Variants in ANXA3 observed in about 807,000 individuals in gnomAD.
ANXA3 encodes 35-alpha calcimedin.
Under a neutral mutation model 48.8 loss-of-function variants are expected in ANXA3, and 46 were observed. That is an observed-to-expected ratio of 0.94 (90% confidence interval 0.74 to 1.21). The LOEUF (loss-of-function observed/expected upper bound fraction) is 1.21, where lower values mean the gene tolerates loss of function less well. ANXA3 is among the 50% of genes most tolerant of loss of function. The pLI is 0.00. For synonymous variants in ANXA3, 128 were observed against 134.7 expected (o/e 0.95, Z 0.35); for missense variants, 383 against 378.6 (o/e 1.01, Z -0.10).
At chr4:78,580,610 G>A (rs571077502) in intron 4 of ANXA3, among the ~76,000 whole-genome samples, 15 of 152,122 alleles carry the variant, frequency 9.9e-5, no homozygotes, top group Non-Finnish European at 1.6e-4. Flanking sequence ...AAACAGACCC[G>A]GCCAACTGTT....
At chr4:78,553,841 CTATT>C (rs1242967019) in intron 1 of ANXA3, 1 of 152,232 alleles carries the variant, frequency 6.6e-6, no homozygotes, top group Non-Finnish European at 1.5e-5. Context: ...TGAATAATAT[CTATT>C]TAAGAAAAAT....
At chr4:78,575,240 T>A (rs533605619) in intron 3 of ANXA3, among the ~76,000 whole-genome samples, 1 of 152,262 alleles carries the variant, frequency 6.6e-6, no homozygotes, top group South Asian at 2.1e-4. Context: ...AGAGTTTTTT[T>A]ATAATTCCTC....
chr4:78,557,307 C>G (rs1302970994), intron 2 of ANXA3, among the ~76,000 whole-genome samples: 1 of 152,148 alleles, frequency 6.6e-6, no homozygotes, highest in East Asian at 1.9e-4. Context: ...TTCTGCCATT[C>G]TCTTCTCCCT....
chr4:78,606,868 A>G (rs1723660915), intron 12 of ANXA3, among the ~76,000 whole-genome samples: 1 of 152,366 alleles, frequency 6.6e-6, no homozygotes, highest in African/African-American at 2.4e-5. Context: ...CCTGGGACTT[A>G]GCACAAATTG....
intron 6 of ANXA3, among the ~76,000 whole-genome samples, chr4:78,586,800 G>C (rs1459039984): frequency 6.6e-6 from 1 of 152,226 alleles, no homozygotes; most frequent in Non-Finnish European, 1.5e-5. Context: ...TCTGCTGGCT[G>C]TGTAAAATTA....
chr4:78,595,910 T>G (rs371739425), intron 9 of ANXA3, 23 bp downstream of exon 9: 10 of 1,425,220 alleles, frequency 7.0e-6, no homozygotes, highest in African/African-American at 5.6e-5. Context: ...ATTACAATCC[T>G]TTGTGTTGTA....
chr4:78,585,536 A>T (rs1215018161), intron 5 of ANXA3, among the ~76,000 whole-genome samples: 1 of 152,254 alleles, frequency 6.6e-6, no homozygotes, highest in Non-Finnish European at 1.5e-5. Context: ...ACTGTAAAAG[A>T]AGCTGAGAAA....
chr4:78,564,517 C>A (rs1353223679), intron 2 of ANXA3, among the ~76,000 whole-genome samples: 1 of 152,212 alleles, frequency 6.6e-6, no homozygotes, highest in African/African-American at 2.4e-5. Flanking sequence ...GAGCACTGGG[C>A]TCCCAGCTGG....
At chr4:78,594,000 T>A (rs1033515402) in intron 7 of ANXA3, among the ~76,000 whole-genome samples, 2 of 152,106 alleles carry the variant, frequency 1.3e-5, no homozygotes, top group African/African-American at 4.8e-5. Flanking sequence ...CATATGTCTA[T>A]CATTACAGTA....
rs1047264240 is a variant in ANXA3 at position 78,597,487 on chromosome 4, T to G, written c.730+73T>G. 1.5e-5 allele frequency: 15 copies of G among 1,005,870 alleles called. No individual in the cohort carries two copies. In the African/African-American group the frequency reaches 2.3e-4, roughly 15 times the overall value. The allele number at this position is 1,005,870 out of a possible 1,614,324, so 62.3% of individuals were successfully genotyped here. On this transcript the variant is annotated intron_variant, in intron 10 of 12. Coordinates refer to ENST00000264908, the MANE Select transcript of ANXA3 (RefSeq NM_005139.3). ...ACTCAGTGCCGAGGCCTGCTCCTTT[T>G]GGGCAAGAATCCTGACTGATCCATT...
At chr4:78,574,285 T>G (rs1224586221) in intron 3 of ANXA3, among the ~76,000 whole-genome samples, 4 of 152,126 alleles carry the variant, frequency 2.6e-5, no homozygotes, top group African/African-American at 9.7e-5. Flanking sequence ...CTGGGCTTAG[T>G]GGCTTGGGCT....
At chr4:78,599,115 A>G (rs887330696) in intron 10 of ANXA3, among the ~76,000 whole-genome samples, 2 of 152,234 alleles carry the variant, frequency 1.3e-5, no homozygotes, top group Admixed American at 6.5e-5. Context: ...CCAGTTTATA[A>G]AATTTTTTAT....
chr4:78,595,245 C>G, intron 7 of ANXA3, 136 bp from the exon 8 acceptor site: 1 of 902,492 alleles, frequency 1.1e-6, no homozygotes, highest in Non-Finnish European at 1.8e-6. Context: ...AGAACTGGAG[C>G]CCTGAGTACA....
chr4:78,593,220 T>C (rs1048562096), intron 7 of ANXA3, among the ~76,000 whole-genome samples: 18 of 151,844 alleles, frequency 1.2e-4, no homozygotes, highest in African/African-American at 4.1e-4. Context: ...TTTTCTTTTT[T>C]GAGACAGAGT....
intron 2 of ANXA3, among the ~76,000 whole-genome samples, chr4:78,567,688 GGTTA>G (rs886623081): frequency 2.6e-4 from 39 of 152,274 alleles, no homozygotes; most frequent in African/African-American, 9.1e-4. Context: ...TGCAGATAAA[GGTTA>G]GTTAGTACAG....
intron 7 of ANXA3, among the ~76,000 whole-genome samples, chr4:78,593,116 CA>C (rs1381447164): frequency 1.6e-4 from 16 of 102,976 alleles, no homozygotes; most frequent in African/African-American, 1.1e-3. Context: ...ACACATACCA[CA>C]CACACACACA....
At chr4:78,601,913 T>C (rs1200663766) in intron 11 of ANXA3, 1 of 168,562 alleles carries the variant, frequency 5.9e-6, no homozygotes, top group Non-Finnish European at 1.3e-5. Context: ...TGTATAATAT[T>C]AAATTTTAAA....
chr4:78,607,604 G>C (rs1041964784), intron 12 of ANXA3, among the ~76,000 whole-genome samples: 2 of 152,086 alleles, frequency 1.3e-5, no homozygotes, highest in African/African-American at 4.8e-5. Context: ...ACAATTCCAA[G>C]CTTTTTATGG....
intron 7 of ANXA3, 105 bp downstream of exon 7, chr4:78,591,728 T>A (rs1723301062): frequency 1.3e-6 from 1 of 782,268 alleles, no homozygotes; most frequent in Non-Finnish European, 2.1e-6. Flanking sequence ...AGTTCACAAT[T>A]TTCCTTATGA....
Sources: gnomAD v4.1 joint callset for allele counts (sites outside exome capture counted in the v4.1 genomes callset) on GRCh38, gnomAD v4.1.1 for gene constraint, MANE v1.5 for transcripts, NCBI Gene and HGNC (gene_info 2026-07-23, HGNC 2026-07-21) for gene names.